Variants in LANCL3 observed in about 807,000 individuals in gnomAD.
The protein encoded by LANCL3 is LanC like family member 3, also known as lanC-like protein 3.
In LANCL3, 19 loss-of-function variants were observed where a neutral mutation model predicts 26.5. That is an observed-to-expected ratio of 0.72 (90% CI 0.50 to 1.05). The LOEUF (loss-of-function observed/expected upper bound fraction) is 1.05, where lower values mean the gene tolerates loss of function less well. Among genes scored for constraint, LANCL3 ranks in the 50% least tolerant of loss-of-function variants. The pLI is 0.00. For missense variants in LANCL3, 318 were observed against 362.7 expected (o/e 0.88, Z 1.00); for synonymous variants, 160 against 166.6 (o/e 0.96, Z 0.30).
rs1381073249 is a variant in LANCL3, at chrX:37,596,834, TATATATC to T, written c.573+24395_573+24401del. 2.7e-5 allele frequency among the ~76,000 whole-genome samples: 3 copies of T among 112,375 alleles called. No homozygotes were observed. In the Admixed American group the frequency reaches 2.8e-4, roughly 11 times the overall value. The stretch of plus-strand genomic sequence containing the variant: ...TTAACAGCTACATTGAGATATAACT[TATATATC>T]ATACAATTCACCCGTTTAAAATATA... On this transcript the variant is annotated intron_variant, in intron 1 of 4. Coordinates refer to ENST00000378619, the MANE Select transcript of LANCL3 (RefSeq NM_001170331.2).
chrX:37,672,595 C>T (rs1926710277), intron 4 of LANCL3, among the ~76,000 whole-genome samples: 1 of 111,817 alleles, frequency 8.9e-6, no homozygotes, highest in Non-Finnish European at 1.9e-5. Flanking sequence ...CCCTGATTGG[C>T]CATGGCAGGT....
intron 1 of LANCL3, among the ~76,000 whole-genome samples, chrX:37,641,641 G>A (rs1925866043): frequency 9.0e-6 from 1 of 111,257 alleles, no homozygotes; most frequent in Admixed American, 9.6e-5. Context: ...GACCTTCAGG[G>A]CATCCATCAA....
At chrX:37,664,492 CT>C (rs1210979180) in intron 3 of LANCL3, among the ~76,000 whole-genome samples, 1 of 111,412 alleles carries the variant, frequency 9.0e-6, no homozygotes, top group Non-Finnish European at 1.9e-5. Flanking sequence ...TTTAGAGAAG[CT>C]TTTTTTGTTT....
intron 1 of LANCL3, among the ~76,000 whole-genome samples, chrX:37,585,187 A>T (rs1662033686): frequency 9.0e-6 from 1 of 111,708 alleles, no homozygotes; most frequent in African/African-American, 3.3e-5. Flanking sequence ...CTGTTCTTTT[A>T]CATTTGCTGA....
chrX:37,654,614 ATCGTGG>A (rs781863556), intron 1 of LANCL3, among the ~76,000 whole-genome samples: 1 of 111,999 alleles, frequency 8.9e-6, no homozygotes, highest in Non-Finnish European at 1.9e-5. Context: ...TTAAGAAACA[ATCGTGG>A]AGCGGAGGGA....
At chrX:37,660,372 A>C (rs1225136220) in intron 3 of LANCL3, among the ~76,000 whole-genome samples, 2 of 111,833 alleles carry the variant, frequency 1.8e-5, no homozygotes, top group African/African-American at 6.5e-5. Flanking sequence ...TTCAAATGAG[A>C]ATTTCCATCA....
intron 3 of LANCL3, among the ~76,000 whole-genome samples, chrX:37,662,342 G>A (rs1926442326): frequency 8.9e-6 from 1 of 112,405 alleles, no homozygotes; most frequent in Non-Finnish European, 1.9e-5. Flanking sequence ...TTACATCATT[G>A]CTGTGGTAAC....
chrX:37,655,141 G>A (rs188343906), intron 1 of LANCL3, among the ~76,000 whole-genome samples: 3 of 112,599 alleles, frequency 2.7e-5, no homozygotes, highest in Admixed American at 1.9e-4. Context: ...AAGTTATTTT[G>A]TGTTGACACT....
intron 1 of LANCL3, among the ~76,000 whole-genome samples, chrX:37,589,468 C>T (rs1392836844): frequency 8.1e-5 from 9 of 111,442 alleles, no homozygotes; most frequent in African/African-American, 3.0e-4. Context: ...GCATAGACTA[C>T]GAATTCCCTC....
chrX:37,632,520 C>T (rs1389009808), intron 1 of LANCL3, among the ~76,000 whole-genome samples: 2 of 111,114 alleles, frequency 1.8e-5, no homozygotes, highest in African/African-American at 6.6e-5. Flanking sequence ...TTATTTTGCT[C>T]GTTAGTTGAT....
chrX:37,583,424 C>A (rs1249886597), intron 1 of LANCL3, among the ~76,000 whole-genome samples: 8 of 111,758 alleles, frequency 7.2e-5, no homozygotes, highest in African/African-American at 2.6e-4. Flanking sequence ...GCCATTTTCA[C>A]GATATTGATT....
At chrX:37,573,510 AGT>A (rs1923659674) in intron 1 of LANCL3, among the ~76,000 whole-genome samples, 1 of 111,704 alleles carries the variant, frequency 9.0e-6, no homozygotes, top group Non-Finnish European at 1.9e-5. Context: ...GGTTGATTCA[AGT>A]GAGAAAAAAG....
chrX:37,590,578 A>G (rs781967600), intron 1 of LANCL3, among the ~76,000 whole-genome samples: 2 of 112,208 alleles, frequency 1.8e-5, no homozygotes, highest in Non-Finnish European at 3.8e-5. Flanking sequence ...CATTTATCAC[A>G]TAATGCTTTT....
At chrX:37,611,249 T>C (rs1556421119) in intron 1 of LANCL3, among the ~76,000 whole-genome samples, 1 of 111,858 alleles carries the variant, frequency 8.9e-6, no homozygotes, top group Admixed American at 9.5e-5. Flanking sequence ...CCATTATCTT[T>C]CATATGATGC....
At chrX:37,588,161 T>G (rs1924159074) in intron 1 of LANCL3, among the ~76,000 whole-genome samples, 1 of 112,333 alleles carries the variant, frequency 8.9e-6, no homozygotes, top group Non-Finnish European at 1.9e-5. Flanking sequence ...TCTTACTAAC[T>G]TCTTCACTAA....
chrX:37,641,430 A>AC (rs1925858464), intron 1 of LANCL3, among the ~76,000 whole-genome samples: 1 of 109,529 alleles, frequency 9.1e-6, no homozygotes. Flanking sequence ...TGGTTACCAG[A>AC]CCCCCCGACA....
chrX:37,664,592 G>T (rs782443275), intron 3 of LANCL3, among the ~76,000 whole-genome samples: 1 of 110,949 alleles, frequency 9.0e-6, no homozygotes, highest in East Asian at 2.8e-4. Flanking sequence ...GATTCAGAGG[G>T]TACATGTGCT....
intron 1 of LANCL3, among the ~76,000 whole-genome samples, chrX:37,573,856 A>G (rs1170218785): frequency 2.8e-5 from 3 of 108,889 alleles, no homozygotes; most frequent in African/African-American, 1.0e-4. Context: ...CCACTAGATC[A>G]CACAGGTGGA....
At chrX:37,628,210 A>G (rs1556423399) in intron 1 of LANCL3, among the ~76,000 whole-genome samples, 1 of 111,502 alleles carries the variant, frequency 9.0e-6, no homozygotes, top group Non-Finnish European at 1.9e-5. Context: ...TCTAAATATG[A>G]TGTTCTGCAA....
Sources: allele counts gnomAD v4.1 joint callset (sites outside exome capture counted in the v4.1 genomes callset), GRCh38; gene constraint gnomAD v4.1.1; transcripts MANE v1.5; gene names NCBI Gene and HGNC (gene_info 2026-07-23, HGNC 2026-07-21).